The following KDM4B variants were observed in gnomAD, a reference collection of about 807,000 sequenced individuals.
The protein encoded by KDM4B is lysine demethylase 4B, also known as lysine-specific demethylase 4B.
A neutral mutation model predicts 125.2 loss-of-function variants in KDM4B; 32 were observed. That is an observed-to-expected ratio of 0.26 (90% CI 0.19 to 0.34). The LOEUF is 0.34. Ranked by LOEUF, KDM4B falls within the 10% of genes least tolerant of loss-of-function variation. The pLI is 1.00. For synonymous variants in KDM4B, 721 were observed against 677.9 expected (o/e 1.06, Z -0.99); for missense variants, 1,190 against 1,577.7 (o/e 0.75, Z 4.16).
rs112434740 is a variant in KDM4B, at chr19:5,072,663, A to T, written c.676+1604A>T. 1.5e-3 allele frequency among the ~76,000 whole-genome samples: 225 copies of T among 152,344 alleles called. 2 individuals carry two copies. Among genetic ancestry groups the T allele is most frequent in the African/African-American group, 5.2e-3 (217 of 41,584 alleles). On this transcript the variant is annotated intron_variant, in intron 7 of 22. Transcript: ENST00000159111. ...GACATAAGCTAAAGAAACATTCCCC[A>T]TGTTGTATTAGCATCCTGAGGCTCC...
At chr19:5,077,524 G>A in intron 8 of KDM4B, 54 bp downstream of exon 8, 1 of 1,468,174 alleles carries the variant, frequency 6.8e-7, no homozygotes, top group Non-Finnish European at 9.5e-7. Flanking sequence ...CCGGGTCCAA[G>A]CCCAGGTGGC....
At chr19:5,040,353 G>C (rs373845733) in intron 4 of KDM4B, among the ~76,000 whole-genome samples, 1 of 152,154 alleles carries the variant, frequency 6.6e-6, no homozygotes, top group Non-Finnish European at 1.5e-5. Flanking sequence ...CTCCACACGG[G>C]TACATGCACA....
At chr19:5,048,975 G>A (rs938391265) in intron 6 of KDM4B, among the ~76,000 whole-genome samples, 1 of 152,218 alleles carries the variant, frequency 6.6e-6, no homozygotes, top group Admixed American at 6.5e-5. Context: ...GCCAAGGACT[G>A]CAGTGCCAGC....
rs2613758 is a variant in KDM4B at position 5,062,628 on chromosome 19, C to T, written c.627-8382C>T. Among the ~76,000 whole-genome samples the T allele has an allele frequency of 5.9e-5, 9 of 152,042 alleles. 1 individual carries two copies. The highest frequency in any genetic ancestry group is 2.2e-4 in the African/African-American group (9 of 41,392). On this transcript the variant is annotated intron_variant, in intron 6 of 22. Coordinates refer to ENST00000159111, the MANE Select transcript of KDM4B (RefSeq NM_015015.3). ...TTAGAGTGTTCTGTTAATGTTCTTT[C>T]TGCTGTAGAGGAAACCCTCTTTTTG...
chr19:5,045,222 G>A (rs572402196), intron 5 of KDM4B, among the ~76,000 whole-genome samples: 18 of 152,328 alleles, frequency 1.2e-4, no homozygotes, highest in Non-Finnish European at 2.2e-4. Flanking sequence ...AGTTGTCGGT[G>A]TTGTGCATCC....
intron 11 of KDM4B, among the ~76,000 whole-genome samples, chr19:5,130,456 C>T (rs140282246): frequency 8.4e-4 from 128 of 152,324 alleles, no homozygotes; most frequent in African/African-American, 3.0e-3. Flanking sequence ...TTGCTGGCCC[C>T]GGGGAGTTCC....
At chr19:5,060,433 C>CAAAAA (rs901472663) in intron 6 of KDM4B, among the ~76,000 whole-genome samples, 28 of 32,978 alleles carry the variant, frequency 8.5e-4, no homozygotes, top group African/African-American at 9.8e-4. Flanking sequence ...ACTCTGTCTC[C>CAAAAA]AAAAAAAAAA....
Position 5,039,772 on chromosome 19 carries a change from G to A in KDM4B, c.142-64G>A. The A allele has an allele frequency of 1.9e-6, 3 of 1,562,270 alleles. No individual in the cohort carries two copies. In the Admixed American group the frequency reaches 5.2e-5, roughly 27 times the overall value. ...TGGTCTCTGGGGAGCCGGTGGCACA[G>A]TCTGCTCTCTGGCCCTGCCCTGAGG... On this transcript the variant is annotated intron_variant, in intron 3 of 22. Transcript: ENST00000159111.
intron 9 of KDM4B, among the ~76,000 whole-genome samples, chr19:5,095,373 T>C (rs1468900130): frequency 6.6e-6 from 1 of 152,214 alleles, no homozygotes; most frequent in Non-Finnish European, 1.5e-5. Context: ...GCCACTCTAC[T>C]GTTTTACATG....
In KDM4B at chr19:5,152,115, G is replaced by C. The variant is rs202002857; in HGVS notation, c.*604G>C. ...GTAATTGGAGGGTGAGCCTCGGGGG[G>C]GGGGCAGGACGCCCCGGTTTCGGCA... On this transcript the variant is annotated 3_prime_UTR_variant, in exon 23 of 23. Transcript: ENST00000159111. 9 of 149,556 alleles carry C rather than the reference G, an allele frequency of 6.0e-5. No homozygotes were observed. The South Asian group carries it at 6.2e-4, about 10-fold the overall frequency. The allele number at this position is 149,556 out of a possible 1,614,324, so 9.3% of individuals were successfully genotyped here. A position where few individuals can be genotyped will look rare whatever the true frequency, so the allele number is the denominator to read the frequency against.
In KDM4B at chr19:5,137,943, G is replaced by T. The variant is rs371816246; in HGVS notation, c.2442-19G>T. The T allele has an allele frequency of 1.4e-5, 22 of 1,602,604 alleles. No homozygotes were observed. The East Asian group carries it at 4.5e-4, about 33-fold the overall frequency. ...GGTCCTCAGAGGCGCACCTGACCCC[G>T]CTGCACCTGCCCTCCCAGGTGGATC... is the stretch of plus-strand genomic sequence containing the variant. On this transcript the variant is annotated intron_variant, in intron 17 of 22. Transcript: ENST00000159111.
intron 18 of KDM4B, among the ~76,000 whole-genome samples, chr19:5,143,585 C>T (rs926858432): frequency 3.9e-5 from 6 of 152,136 alleles, no homozygotes; most frequent in African/African-American, 9.7e-5. Flanking sequence ...CCCCAGGGCA[C>T]ATCTCTGTCG....
rs1360145265 is a variant in KDM4B at position 5,131,158 on chromosome 19, G to T, written c.1398G>T (p.Leu466=). The change falls in exon 12 of 23, where the codon CTG becomes CTT. Residue 466 remains leucine (L), a synonymous_variant. Coordinates refer to ENST00000159111, the MANE Select transcript of KDM4B (RefSeq NM_015015.3). ...GCTTCGGCCTGCTGCCCCCACAGCT[G>T]CCGCCCCCGCCTGCTCACTTCCCCT... ...KKSFGLLPPQ[L]PPPPAHFPSE... 4.5e-6 allele frequency: 7 copies of T among 1,559,280 alleles called. No homozygotes were observed. Among genetic ancestry groups the T allele is most frequent in the Non-Finnish European group, 6.1e-6 (7 of 1,152,156 alleles).
At chr19:5,024,328 T>G (rs142496692) in intron 2 of KDM4B, among the ~76,000 whole-genome samples, 5 of 152,152 alleles carry the variant, frequency 3.3e-5, no homozygotes, top group Admixed American at 3.3e-4. Context: ...TCAGCCAGAC[T>G]GTCCCCACCT....
At chr19:5,131,685 A>C in intron 12 of KDM4B, 140 bp downstream of exon 12, 1 of 288,070 alleles carries the variant, frequency 3.5e-6, no homozygotes, top group Non-Finnish European at 5.6e-6. Flanking sequence ...TGCTGGTTTC[A>C]CAGGGAACTG....
At chr19:5,041,353 C>A in intron 5 of KDM4B, 102 bp downstream of exon 5, 1 of 855,152 alleles carries the variant, frequency 1.2e-6, no homozygotes, top group Non-Finnish European at 1.9e-6. Flanking sequence ...AGCTTCCAGG[C>A]AGGCAAGGTT....
At chr19:5,089,730 T>G (rs970670003) in intron 9 of KDM4B, among the ~76,000 whole-genome samples, 6 of 151,826 alleles carry the variant, frequency 4.0e-5, no homozygotes, top group Non-Finnish European at 7.4e-5. Flanking sequence ...TACTCCTCTT[T>G]CCATAGTCAG....
At chr19:5,010,310 T>C (rs767342277) in intron 1 of KDM4B, among the ~76,000 whole-genome samples, 26 of 152,350 alleles carry the variant, frequency 1.7e-4, no homozygotes, top group Non-Finnish European at 3.5e-4. Context: ...ATGCTGCTCC[T>C]TCCCTGTGCA....
intron 6 of KDM4B, among the ~76,000 whole-genome samples, chr19:5,053,448 G>T (rs1374885286): frequency 1.3e-5 from 2 of 152,238 alleles, no homozygotes; most frequent in African/African-American, 4.8e-5. Flanking sequence ...CCCACGGAGA[G>T]CAGATCAGAC....
Sources: allele counts gnomAD v4.1 joint callset (sites outside exome capture counted in the v4.1 genomes callset), GRCh38; gene constraint gnomAD v4.1.1; transcripts MANE v1.5; gene names NCBI Gene and HGNC (gene_info 2026-07-23, HGNC 2026-07-21).